Variants in PTPRD observed in about 807,000 individuals in gnomAD.
The protein encoded by PTPRD is receptor-type tyrosine-protein phosphatase delta.
PTPRD carries 34 observed loss-of-function variants against 214.5 expected under a neutral mutation model. The observed-to-expected ratio is 0.16, with a 90% confidence interval of 0.12 to 0.21. PTPRD has a LOEUF of 0.21. Among genes scored for constraint, PTPRD ranks in the 10% least tolerant of loss-of-function variants. The pLI, the probability that PTPRD is intolerant of heterozygous loss-of-function variation, is 1.00. For synonymous variants in PTPRD, 1,128 were observed against 845.7 expected, an observed-to-expected ratio of 1.33 and a Z score of -5.79; for missense variants, 2,545 against 2,398.7, an observed-to-expected ratio of 1.06 and a Z score of -1.27.
intron 5 of PTPRD, among the ~76,000 whole-genome samples, chr9:9,847,385 A>G (rs918177373): frequency 6.6e-6 from 1 of 152,158 alleles, no homozygotes; most frequent in Non-Finnish European, 1.5e-5. Flanking sequence ...AGCATGTCAA[A>G]TATTTTGATA....
At chr9:10,037,679 C>T (rs1239656207) in intron 3 of PTPRD, among the ~76,000 whole-genome samples, 4 of 151,302 alleles carry the variant, frequency 2.6e-5, no homozygotes, top group Non-Finnish European at 5.9e-5. Flanking sequence ...TGGGAATTGA[C>T]TACTAATATT....
rs191923422 is a variant in PTPRD at position 9,876,900 on chromosome 9, G to A, written c.-368+61607C>T. Among the ~76,000 whole-genome samples, 22 of 152,152 alleles carry A rather than the reference G, an allele frequency of 1.4e-4. No homozygotes were observed. In the East Asian group the frequency reaches 2.5e-3, roughly 17 times the overall value. ...CAAATTACAGGATTTTTACTCATTC[G>A]TGTCACATCAAATACATTATTTAAA... On this transcript the variant is annotated intron_variant, in intron 5 of 45. Coordinates refer to ENST00000381196, the MANE Select transcript of PTPRD (RefSeq NM_002839.4).
At position 8,317,335 on chromosome 9, in the gene PTPRD, G is replaced by A. The variant is rs760679353; in HGVS notation, c.*539C>T. 8.6e-6 allele frequency: 2 copies of A among 232,346 alleles called. No individual in the cohort carries two copies. The highest frequency in any genetic ancestry group is 6.1e-5 in the East Asian group (1 of 16,436). The allele number at this position is 232,346 out of a possible 1,614,324, so 14.4% of individuals were successfully genotyped here. On this transcript the variant is annotated 3_prime_UTR_variant, in exon 46 of 46. Coordinates refer to ENST00000381196, the MANE Select transcript of PTPRD (RefSeq NM_002839.4). ...AAAAAAAGTTTACACAGTTAGAAAT[G>A]AAGCACAGGTCAGCAGTATCTTTAC...
intron 2 of PTPRD, among the ~76,000 whole-genome samples, chr9:10,551,069 C>T (rs952741344): frequency 2.0e-5 from 3 of 152,174 alleles, no homozygotes; most frequent in Admixed American, 6.5e-5. Context: ...TGCAGTGGCT[C>T]ATGCCTGTAA....
chr9:8,930,580 A>C (rs147861533), intron 11 of PTPRD, among the ~76,000 whole-genome samples: 5,225 of 152,256 alleles, frequency 0.034, 117 homozygotes, highest in Middle Eastern at 0.088. Context: ...TCCCACCAAC[A>C]GTGTAAAAGT....
intron 3 of PTPRD, among the ~76,000 whole-genome samples, chr9:10,137,695 G>A (rs1291705733): frequency 2.3e-5 from 1 of 43,068 alleles, no homozygotes; most frequent in African/African-American, 9.3e-5. Context: ...AAAACTTAGA[G>A]TATAATAAAA....
chr9:9,163,307 A>C (rs911948122), intron 10 of PTPRD, among the ~76,000 whole-genome samples: 2 of 152,110 alleles, frequency 1.3e-5, no homozygotes, highest in Non-Finnish European at 2.9e-5. Flanking sequence ...CCTGAAGTCT[A>C]ACCCACTCAA....
intron 3 of PTPRD, among the ~76,000 whole-genome samples, chr9:10,224,541 G>T (rs1449439559): frequency 6.6e-6 from 1 of 151,822 alleles, no homozygotes; most frequent in African/African-American, 2.4e-5. Flanking sequence ...AACACTTAAG[G>T]TATTGTTGAA....
intron 5 of PTPRD, among the ~76,000 whole-genome samples, chr9:9,934,007 A>G (rs2088001364): frequency 6.7e-6 from 1 of 148,258 alleles, no homozygotes; most frequent in African/African-American, 2.6e-5. Context: ...GAAGGCAGAA[A>G]TAAAGATGTT....
At chr9:9,918,786 G>T (rs979098250) in intron 5 of PTPRD, among the ~76,000 whole-genome samples, 1 of 152,082 alleles carries the variant, frequency 6.6e-6, no homozygotes, top group African/African-American at 2.4e-5. Flanking sequence ...TGGGTATCGA[G>T]AATATTCACT....
chr9:8,689,736 A>G (rs2097764502), intron 12 of PTPRD, among the ~76,000 whole-genome samples: 1 of 152,162 alleles, frequency 6.6e-6, no homozygotes, highest in Non-Finnish European at 1.5e-5. Flanking sequence ...GTAATATCCT[A>G]TTTGGTTCAT....
At chr9:10,529,044 T>C (rs955128635) in intron 2 of PTPRD, among the ~76,000 whole-genome samples, 2 of 152,168 alleles carry the variant, frequency 1.3e-5, no homozygotes, top group Non-Finnish European at 2.9e-5. Context: ...CTTTCTTTTT[T>C]ATTTGTTCAT....
At chr9:9,301,945 G>C (rs750528781) in intron 9 of PTPRD, among the ~76,000 whole-genome samples, 3 of 151,884 alleles carry the variant, frequency 2.0e-5, no homozygotes, top group Non-Finnish European at 2.9e-5. Context: ...GCATTTGTTT[G>C]TTGATTTGCT....
chr9:9,275,082 A>AT (rs1491518255), intron 9 of PTPRD, among the ~76,000 whole-genome samples: 12 of 65,824 alleles, frequency 1.8e-4, no homozygotes, highest in Non-Finnish European at 3.5e-4. Flanking sequence ...ATATATATAT[A>AT]ATATATATGT....
intron 3 of PTPRD, among the ~76,000 whole-genome samples, chr9:10,325,844 G>T (rs577343654): frequency 6.6e-6 from 1 of 151,762 alleles, no homozygotes; most frequent in Admixed American, 6.6e-5. Context: ...CAGATGTATA[G>T]TAACAATTTT....
intron 9 of PTPRD, among the ~76,000 whole-genome samples, chr9:9,311,829 T>C (rs550519200): frequency 6.6e-6 from 1 of 152,294 alleles, no homozygotes; most frequent in South Asian, 2.1e-4. Context: ...ATTGTTTTCA[T>C]TGACTGTATC....
chr9:8,891,249 T>A (rs949148921), intron 11 of PTPRD, among the ~76,000 whole-genome samples: 2 of 149,404 alleles, frequency 1.3e-5, no homozygotes, highest in Non-Finnish European at 3.0e-5. Flanking sequence ...TCCTCCTGCC[T>A]CAGCCTCCCG....
At chr9:9,564,139 A>T (rs1210756674) in intron 8 of PTPRD, among the ~76,000 whole-genome samples, 1 of 152,134 alleles carries the variant, frequency 6.6e-6, no homozygotes, top group Non-Finnish European at 1.5e-5. Flanking sequence ...TCAGCCAAAG[A>T]GGCTATTAGA....
intron 2 of PTPRD, among the ~76,000 whole-genome samples, chr9:10,424,313 T>TTCTCTCTCTCTCTCTCTCTCTCTCTCTC (rs35994999): frequency 6.9e-6 from 1 of 145,484 alleles, no homozygotes; most frequent in African/African-American, 2.5e-5. Flanking sequence ...TGGTTTCCTT[T>TTCTCTCTCTCTCTCTCTCTCTCTCTCTC]TCTCTCTCTC....
Sources: allele counts gnomAD v4.1 joint callset (sites outside exome capture counted in the v4.1 genomes callset), GRCh38; gene constraint gnomAD v4.1.1; transcripts MANE v1.5; gene names NCBI Gene and HGNC (gene_info 2026-07-23, HGNC 2026-07-21).